KCNB2: variants seen among roughly 807,000 people sequenced by gnomAD.
KCNB2 encodes potassium voltage-gated channel subfamily B member 2.
In KCNB2, 15 loss-of-function variants were observed where a neutral mutation model predicts 61.5. The ratio of observed to expected loss-of-function variants is 0.24; its 90% CI spans 0.16 to 0.38. KCNB2 has a LOEUF of 0.38. Among genes scored for constraint, KCNB2 ranks in the 10% least tolerant of loss-of-function variants. The pLI is 1.00. For missense variants in KCNB2, 828 were observed against 1,125.2 expected (o/e 0.74, Z 3.78); for synonymous variants, 457 against 446.0 (o/e 1.02, Z -0.31).
At chr8:72,690,675 A>T (rs1190951439) in intron 2 of KCNB2, among the ~76,000 whole-genome samples, 1 of 152,194 alleles carries the variant, frequency 6.6e-6, no homozygotes, top group African/African-American at 2.4e-5. Flanking sequence ...AATTTATGTG[A>T]CCATTTTATT....
At chr8:72,559,966 C>A (rs1806488475) in intron 1 of KCNB2, among the ~76,000 whole-genome samples, 1 of 152,136 alleles carries the variant, frequency 6.6e-6, no homozygotes, top group Admixed American at 6.5e-5. Context: ...CAGATCATAT[C>A]TAAACTCCCT....
At chr8:72,890,799 G>A (rs74737004) in intron 2 of KCNB2, among the ~76,000 whole-genome samples, 2,047 of 152,240 alleles carry the variant, frequency 0.013, 51 homozygotes, top group African/African-American at 0.044. Context: ...GCTTTTGCCC[G>A]TTAGTAACTG....
At chr8:72,758,571 C>T (rs1045296691) in intron 2 of KCNB2, among the ~76,000 whole-genome samples, 8 of 152,174 alleles carry the variant, frequency 5.3e-5, no homozygotes, top group Non-Finnish European at 1.2e-4. Context: ...AGAGTAAAAT[C>T]TCCTGTTTGT....
rs750155750 is a variant in KCNB2 at position 72,567,782 on chromosome 8, G to T, written c.48G>T (p.Ser16=). Reference sequence around the variant, plus strand: ...GCTTAAACAGGAAGACTTCAAGGTCGACACTTTCCCTTCCTCCAGAGCCTG... The same window carrying T: ...GCTTAAACAGGAAGACTTCAAGGTCTACACTTTCCCTTCCTCCAGAGCCTG... ...PPGLNRKTSR[S]TLSLPPEPVD... is the part of the protein sequence containing the mutation. Residue 16 remains serine (S), a synonymous_variant, in exon 2 of 3, where the codon TCG becomes TCT. Coordinates refer to ENST00000523207, the MANE Select transcript of KCNB2 (RefSeq NM_004770.3). 2.5e-6 allele frequency: 4 copies of T among 1,607,538 alleles called. No homozygotes were observed. The highest frequency in any genetic ancestry group is 3.4e-6 in the Non-Finnish European group (4 of 1,177,348).
chr8:72,578,176 A>G (rs1197931170), intron 2 of KCNB2, among the ~76,000 whole-genome samples: 5 of 152,228 alleles, frequency 3.3e-5, no homozygotes, highest in East Asian at 3.8e-4. Flanking sequence ...TATTTCATTA[A>G]TACAATGGAA....
intron 2 of KCNB2, among the ~76,000 whole-genome samples, chr8:72,905,914 G>A (rs931594391): frequency 4.6e-5 from 7 of 152,142 alleles, no homozygotes; most frequent in African/African-American, 1.7e-4. Context: ...CCATGAAGGA[G>A]TTTAGAATCC....
intron 2 of KCNB2, among the ~76,000 whole-genome samples, chr8:72,693,374 G>A (rs1202759076): frequency 6.6e-6 from 1 of 152,180 alleles, no homozygotes; most frequent in Non-Finnish European, 1.5e-5. Flanking sequence ...GACACCTCTT[G>A]TGTCTGAGCG....
intron 2 of KCNB2, among the ~76,000 whole-genome samples, chr8:72,648,417 A>G (rs1806164050): frequency 6.6e-6 from 1 of 152,114 alleles, no homozygotes; most frequent in Non-Finnish European, 1.5e-5. Flanking sequence ...AACCACAGGC[A>G]TTCACCACCC....
Position 72,793,719 on chromosome 8 carries a change from G to C in KCNB2, c.580-142216G>C, listed in dbSNP as rs140184330. 4.3e-3 allele frequency among the ~76,000 whole-genome samples: 654 copies of C among 152,248 alleles called. 4 individuals carry two copies. Among genetic ancestry groups the C allele is most frequent in the African/African-American group, 0.015 (616 of 41,534 alleles). ...TTCTGCTACTACTTTTAAAAGTTCTGTTAACAGTTGTGTACTGTGAATAGA... is the reference window on the plus strand; with the variant it reads ...TTCTGCTACTACTTTTAAAAGTTCTCTTAACAGTTGTGTACTGTGAATAGA... On this transcript the variant is annotated intron_variant, in intron 2 of 2. Coordinates refer to ENST00000523207, the MANE Select transcript of KCNB2 (RefSeq NM_004770.3).
At chr8:72,732,863 A>G (rs1807771063) in intron 2 of KCNB2, among the ~76,000 whole-genome samples, 1 of 152,172 alleles carries the variant, frequency 6.6e-6, no homozygotes, top group Non-Finnish European at 1.5e-5. Flanking sequence ...CATAAAGTAT[A>G]TCATCCTGCA....
chr8:72,663,820 AT>A (rs1050262170), intron 2 of KCNB2, among the ~76,000 whole-genome samples: 2 of 152,160 alleles, frequency 1.3e-5, no homozygotes, highest in Non-Finnish European at 2.9e-5. Context: ...ATATTTCTGT[AT>A]TTTTATTGTT....
chr8:72,883,519 G>T (rs1036714655), intron 2 of KCNB2, among the ~76,000 whole-genome samples: 2 of 152,178 alleles, frequency 1.3e-5, no homozygotes, highest in Admixed American at 1.3e-4. Context: ...ATCTATAGAA[G>T]AGAACTGAGA....
intron 2 of KCNB2, among the ~76,000 whole-genome samples, chr8:72,692,346 T>C (rs1806953447): frequency 6.6e-6 from 1 of 152,142 alleles, no homozygotes; most frequent in Non-Finnish European, 1.5e-5. Context: ...CTGTGAAGGA[T>C]TGGAGGTAGG....
At chr8:72,697,387 C>G (rs1807034087) in intron 2 of KCNB2, among the ~76,000 whole-genome samples, 1 of 152,208 alleles carries the variant, frequency 6.6e-6, no homozygotes. Context: ...CTTTTCATTA[C>G]CTAATTCTCC....
chr8:72,869,055 T>A (rs1805577040), intron 2 of KCNB2, among the ~76,000 whole-genome samples: 1 of 152,162 alleles, frequency 6.6e-6, no homozygotes, highest in Non-Finnish European at 1.5e-5. Flanking sequence ...CCCAAGAAGA[T>A]GACCACTCCA....
At chr8:72,851,071 C>A (rs1342815997) in intron 2 of KCNB2, among the ~76,000 whole-genome samples, 1 of 152,286 alleles carries the variant, frequency 6.6e-6, no homozygotes, top group African/African-American at 2.4e-5. Flanking sequence ...TGATGATCAC[C>A]AAACTTCATT....
At chr8:72,617,266 G>C (rs1029799745) in intron 2 of KCNB2, among the ~76,000 whole-genome samples, 3 of 152,064 alleles carry the variant, frequency 2.0e-5, no homozygotes, top group African/African-American at 4.8e-5. Flanking sequence ...TTCCCACCTG[G>C]TGTCTGAGCA....
intron 2 of KCNB2, among the ~76,000 whole-genome samples, chr8:72,804,855 C>T (rs546406985): frequency 9.1e-4 from 138 of 152,228 alleles, no homozygotes; most frequent in African/African-American, 3.1e-3. Flanking sequence ...GGAATGGGTA[C>T]GTCAGGATTG....
At chr8:72,893,314 G>A (rs1805932447) in intron 2 of KCNB2, among the ~76,000 whole-genome samples, 1 of 151,782 alleles carries the variant, frequency 6.6e-6, no homozygotes, top group South Asian at 2.1e-4. Context: ...ATTTCAACAT[G>A]GGGCAAAAAC....
Sources: gnomAD v4.1 joint callset for allele counts (sites outside exome capture counted in the v4.1 genomes callset) on GRCh38, gnomAD v4.1.1 for gene constraint, MANE v1.5 for transcripts, NCBI Gene and HGNC (gene_info 2026-07-23, HGNC 2026-07-21) for gene names.